SPAG1: variants seen among roughly 807,000 people sequenced by gnomAD.
The protein encoded by SPAG1 is sperm-associated antigen 1.
In SPAG1, 69 loss-of-function variants were observed where a neutral mutation model predicts 100.5. The observed-to-expected ratio is 0.69, with a 90% CI of 0.57 to 0.84. The LOEUF (loss-of-function observed/expected upper bound fraction) is 0.84, where lower values mean the gene tolerates loss of function less well. SPAG1 is among the 40% of genes least tolerant of loss of function. The pLI, the probability that SPAG1 is intolerant of heterozygous loss-of-function variation, is 0.00. For synonymous variants in SPAG1, 336 were observed against 411.6 expected (o/e 0.82, Z 2.22); for missense variants, 955 against 1,133.1 (o/e 0.84, Z 2.26).
intron 10 of SPAG1, among the ~76,000 whole-genome samples, chr8:100,211,526 T>C (rs1200060792): frequency 6.6e-6 from 1 of 152,160 alleles, no homozygotes; most frequent in Non-Finnish European, 1.5e-5. Context: ...GCATGGTGGC[T>C]GGCTCTCACC....
At chr8:100,230,233 A>T (rs1211108873) in intron 14 of SPAG1, among the ~76,000 whole-genome samples, 1 of 152,226 alleles carries the variant, frequency 6.6e-6, no homozygotes, top group African/African-American at 2.4e-5. Flanking sequence ...TGCCGGATAG[A>T]TGTCCACTTC....
chr8:100,200,672 T>C (rs1817238042), intron 10 of SPAG1, among the ~76,000 whole-genome samples: 1 of 152,254 alleles, frequency 6.6e-6, no homozygotes, highest in Non-Finnish European at 1.5e-5. Context: ...CATTGTGGTT[T>C]TGATTTGCAT....
At chr8:100,224,652 C>T (rs976090454) in intron 13 of SPAG1, among the ~76,000 whole-genome samples, 1 of 152,148 alleles carries the variant, frequency 6.6e-6, no homozygotes, top group African/African-American at 2.4e-5. Context: ...TGAGAAAAAG[C>T]ATTATTCACA....
chr8:100,227,749 A>G (rs529626596), intron 14 of SPAG1, among the ~76,000 whole-genome samples: 313 of 152,108 alleles, frequency 2.1e-3, no homozygotes, highest in Non-Finnish European at 3.1e-3. Context: ...TAAAAGCTTG[A>G]GGAAAATTTT....
chr8:100,225,974 A>G (rs1818492948), intron 14 of SPAG1, among the ~76,000 whole-genome samples: 1 of 149,932 alleles, frequency 6.7e-6, no homozygotes, highest in Non-Finnish European at 1.5e-5. Flanking sequence ...CTGGAACCAC[A>G]GGTGCACACC....
At chr8:100,215,808 G>A (rs1167989380) in intron 12 of SPAG1, among the ~76,000 whole-genome samples, 2 of 152,280 alleles carry the variant, frequency 1.3e-5, no homozygotes, top group African/African-American at 4.8e-5. Flanking sequence ...ACAGGCGTGA[G>A]CCACCGCGCC....
intron 10 of SPAG1, among the ~76,000 whole-genome samples, chr8:100,204,182 A>G (rs1469571976): frequency 6.6e-6 from 1 of 151,966 alleles, no homozygotes; most frequent in Non-Finnish European, 1.5e-5. Flanking sequence ...GACAGTTGCC[A>G]GGCAAGATAA....
At chr8:100,240,857 G>GTTTT (rs747615780) in intron 18 of SPAG1, 34 bp from the exon 19 acceptor site, 3 of 1,508,512 alleles carry the variant, frequency 2.0e-6, no homozygotes, top group African/African-American at 1.5e-5. Flanking sequence ...AACATAGTTG[G>GTTTT]TTTTTTGTTT....
chr8:100,221,596 G>GA (rs928439982), intron 13 of SPAG1, among the ~76,000 whole-genome samples: 5 of 152,196 alleles, frequency 3.3e-5, no homozygotes, highest in African/African-American at 1.2e-4. Context: ...AAAAAAAGGG[G>GA]AAAAAATGAC....
chr8:100,168,967 G>A (rs1042155921), intron 3 of SPAG1, among the ~76,000 whole-genome samples: 1 of 151,674 alleles, frequency 6.6e-6, no homozygotes, highest in Non-Finnish European at 1.5e-5. Context: ...GATTACAGGT[G>A]TGAGCCACCA....
chr8:100,202,709 CAAAAAAAAAA>C (rs750153561), intron 10 of SPAG1, among the ~76,000 whole-genome samples: 27 of 27,462 alleles, frequency 9.8e-4, no homozygotes, highest in African/African-American at 3.1e-3. Context: ...GACTCCGTCT[CAAAAAAAAAA>C]AAAAAAAAAA....
At chr8:100,237,142 G>A (rs767704341) in intron 16 of SPAG1, among the ~76,000 whole-genome samples, 2 of 152,086 alleles carry the variant, frequency 1.3e-5, no homozygotes, top group Non-Finnish European at 2.9e-5. Flanking sequence ...GTGCAGTGGC[G>A]TGATCTTGGC....
At chr8:100,192,140 A>G (rs918255822) in intron 9 of SPAG1, among the ~76,000 whole-genome samples, 14 of 152,156 alleles carry the variant, frequency 9.2e-5, no homozygotes, top group Non-Finnish European at 1.6e-4. Context: ...TGCACACTCA[A>G]TGGATTTATG....
chr8:100,201,525 G>A (rs1312077664), intron 10 of SPAG1, among the ~76,000 whole-genome samples: 1 of 152,158 alleles, frequency 6.6e-6, no homozygotes, highest in African/African-American at 2.4e-5. Context: ...TGAGGTAAAT[G>A]TGTGTGGTAT....
At chr8:100,229,450 A>C (rs186160299) in intron 14 of SPAG1, among the ~76,000 whole-genome samples, 61 of 152,234 alleles carry the variant, frequency 4.0e-4, no homozygotes, top group East Asian at 3.3e-3. Flanking sequence ...CAAAACAAAA[A>C]AAAACAAAAG....
At chr8:100,161,962 C>T (rs1815325579) in intron 1 of SPAG1, among the ~76,000 whole-genome samples, 1 of 152,194 alleles carries the variant, frequency 6.6e-6, no homozygotes, top group Non-Finnish European at 1.5e-5. Context: ...TAAATAACGT[C>T]TTCCTCCTCG....
chr8:100,171,399 A>T (rs539902756), intron 3 of SPAG1, among the ~76,000 whole-genome samples: 1 of 152,186 alleles, frequency 6.6e-6, no homozygotes, highest in Non-Finnish European at 1.5e-5. Context: ...TTTTCTAAAA[A>T]AGTTGGTATA....
intron 13 of SPAG1, among the ~76,000 whole-genome samples, chr8:100,224,741 C>G (rs1349816897): frequency 6.6e-6 from 1 of 152,170 alleles, no homozygotes; most frequent in Non-Finnish European, 1.5e-5. Flanking sequence ...ATGTGGTTAT[C>G]ATAATGTACA....
rs780686032 is a variant in SPAG1 at position 100,194,171 on chromosome 8, A to T, written c.999A>T (p.Gln333His). The T allele has an allele frequency of 3.7e-6, 6 of 1,608,772 alleles. No homozygotes were observed. In the South Asian group the frequency reaches 6.7e-5, roughly 18 times the overall value. Residue 333 changes from glutamine (Q) to histidine (H), a missense_variant, in exon 10 of 19, where the codon CAA becomes CAT. Transcript: ENST00000388798. The part of the protein sequence containing the change: ...LKNSEAASET[Q>H]TKGKRMVIQE... ...ATTCTGAAGCTGCATCTGAGACTCA[A>T]ACCAAAGGGAAAAGGATGGTTATTC...
Sources: gnomAD v4.1 joint callset for allele counts (sites outside exome capture counted in the v4.1 genomes callset) on GRCh38, gnomAD v4.1.1 for gene constraint, MANE v1.5 for transcripts, NCBI Gene and HGNC (gene_info 2026-07-23, HGNC 2026-07-21) for gene names.